Variants in TRPM7 observed in about 807,000 individuals in gnomAD.
TRPM7 encodes the protein LTRPC ion channel family member 7.
A neutral mutation model predicts 229.7 loss-of-function variants in TRPM7; 134 were observed. The ratio of observed to expected loss-of-function variants is 0.58; its 90% CI spans 0.51 to 0.67. TRPM7 has a LOEUF of 0.67. Among genes scored for constraint, TRPM7 ranks in the 30% least tolerant of loss-of-function variants. TRPM7 has a pLI of 0.00. For missense variants in TRPM7, 1,901 were observed against 2,210.0 expected (o/e 0.86, Z 2.80); for synonymous variants, 699 against 715.2 (o/e 0.98, Z 0.36).
chr15:50,686,435 G>A, intron 1 of TRPM7, 96 bp downstream of exon 1: 3 of 1,597,954 alleles, frequency 1.9e-6, no homozygotes, highest in East Asian at 2.2e-5. Flanking sequence ...TTCGCCGCAT[G>A]GAACGCGGCT....
At chr15:50,679,539 T>TATATATATATATATA (rs1491586861) in intron 1 of TRPM7, among the ~76,000 whole-genome samples, 3 of 22,304 alleles carry the variant, frequency 1.3e-4, no homozygotes, top group Admixed American at 4.8e-4. Flanking sequence ...TATATATATA[T>TATATATATATATATA]TTTTTTTTTT....
Position 50,624,146 on chromosome 15 carries a change from G to A in TRPM7, c.1440+20C>T. 2 of 1,585,722 alleles carry A rather than the reference G, an allele frequency of 1.3e-6. No individual in the cohort carries two copies. The highest frequency in any genetic ancestry group is 1.7e-6 in the Non-Finnish European group (2 of 1,169,768). ...CAAAAGATAAAATGTAGTCAATAAA[G>A]AATTTTAATGTAGACTTACAGTGTT... On this transcript the variant is annotated intron_variant, in intron 12 of 38. Transcript: ENST00000646667.
At position 50,567,885 on chromosome 15, in the gene TRPM7, G is replaced by A. The variant is rs149586565; in HGVS notation, c.5467+2002C>T. ...AGGCGGATCACAAGGTCAGGAGATC[G>A]AGACCATGGTGAAACCCCACCTCTA... On this transcript the variant is annotated intron_variant, in intron 38 of 38. Coordinates refer to ENST00000646667, the MANE Select transcript of TRPM7 (RefSeq NM_017672.6). Among the ~76,000 whole-genome samples the A allele has an allele frequency of 9.1e-3, 1,382 of 151,908 alleles. 23 individuals are homozygous for A. Among genetic ancestry groups the A allele is most frequent in the African/African-American group, 0.031 (1,277 of 41,446 alleles).
intron 20 of TRPM7, 46 bp downstream of exon 20, chr15:50,607,154 T>C: frequency 6.4e-7 from 1 of 1,559,966 alleles, no homozygotes; most frequent in Non-Finnish European, 8.7e-7. Flanking sequence ...CAGAAAATCT[T>C]CCATGTATAC....
intron 13 of TRPM7, among the ~76,000 whole-genome samples, chr15:50,615,688 G>A (rs1175285569): frequency 1.3e-5 from 2 of 151,850 alleles, no homozygotes; most frequent in Non-Finnish European, 2.9e-5. Context: ...CTGAGGTCAG[G>A]AGTTTGAGAC....
At position 50,610,564 on chromosome 15, in the gene TRPM7, T is replaced by C. The variant is rs1268890400; in HGVS notation, c.2280+529A>G. On this transcript the variant is annotated intron_variant, in intron 17 of 38. Transcript: ENST00000646667. ...GCACCTTATTTTAAAAGATATAAGATAACAAAAAGCAAAGTTCAAAGCAGT... is the reference window on the plus strand; with the variant it reads ...GCACCTTATTTTAAAAGATATAAGACAACAAAAAGCAAAGTTCAAAGCAGT... 8.5e-5 allele frequency among the ~76,000 whole-genome samples: 13 copies of C among 152,100 alleles called. No homozygotes were observed. In the South Asian group the frequency reaches 1.0e-3, roughly 12 times the overall value.
chr15:50,686,675 C>T lies in TRPM7; in HGVS notation c.-142G>A, dbSNP rs1351229434. Reference sequence around the variant, plus strand: ...AACGCCCAGGGAAACCTTCTCAGAACTAACTCAGCTCCGGCGCTAGCAGCA... The same window carrying T: ...AACGCCCAGGGAAACCTTCTCAGAATTAACTCAGCTCCGGCGCTAGCAGCA... On this transcript the variant is annotated 5_prime_UTR_variant, in exon 1 of 39. Transcript: ENST00000646667. 2.2e-5 allele frequency: 24 copies of T among 1,109,028 alleles called. No individual in the cohort carries two copies. Among genetic ancestry groups the T allele is most frequent in the Admixed American group, 1.4e-4 (5 of 34,848 alleles). 68.7% of individuals were successfully genotyped at this position (1,109,028 alleles called of 1,614,324 possible).
chr15:50,639,985 C>T (rs968907303), intron 5 of TRPM7, among the ~76,000 whole-genome samples: 1 of 152,226 alleles, frequency 6.6e-6, no homozygotes, highest in African/African-American at 2.4e-5. Flanking sequence ...GGAACAAAAA[C>T]CACTAAACCC....
At chr15:50,658,929 T>C (rs1415025048) in intron 2 of TRPM7, among the ~76,000 whole-genome samples, 1 of 152,208 alleles carries the variant, frequency 6.6e-6, no homozygotes, top group Non-Finnish European at 1.5e-5. Context: ...CCAGGCGCAG[T>C]GGCTCACGCC....
At chr15:50,635,789 C>T (rs1052945097) in intron 7 of TRPM7, among the ~76,000 whole-genome samples, 1 of 151,238 alleles carries the variant, frequency 6.6e-6, no homozygotes, top group African/African-American at 2.4e-5. Context: ...GCAGCCTGGC[C>T]AACATAGTGA....
At chr15:50,683,765 G>A (rs939775885) in intron 1 of TRPM7, among the ~76,000 whole-genome samples, 1 of 151,954 alleles carries the variant, frequency 6.6e-6, no homozygotes, top group Non-Finnish European at 1.5e-5. Flanking sequence ...ACAAGTGCAA[G>A]ACTCCTTCTC....
chr15:50,581,344 C>T (rs1280240251), intron 29 of TRPM7, among the ~76,000 whole-genome samples: 2 of 151,770 alleles, frequency 1.3e-5, no homozygotes, highest in Non-Finnish European at 2.9e-5. Flanking sequence ...ACTAAAAATA[C>T]AAAAATTAGC....
At chr15:50,591,090 CATAGGT>C (rs2059478956) in intron 26 of TRPM7, among the ~76,000 whole-genome samples, 2 of 152,118 alleles carry the variant, frequency 1.3e-5, no homozygotes, top group African/African-American at 4.8e-5. Flanking sequence ...TTTAAGCTAT[CATAGGT>C]ATAAGAATAA....
chr15:50,605,236 C>G, intron 20 of TRPM7, 92 bp from the exon 21 acceptor site: 1 of 1,077,466 alleles, frequency 9.3e-7, no homozygotes, highest in Middle Eastern at 3.2e-4. Flanking sequence ...AGTAGAATTT[C>G]ACATAGCTTT....
chr15:50,624,077 T>C, intron 12 of TRPM7, 89 bp downstream of exon 12: 1 of 1,327,212 alleles, frequency 7.5e-7, no homozygotes. Flanking sequence ...ACATTAAGGG[T>C]TTTATCAATA....
intron 31 of TRPM7, among the ~76,000 whole-genome samples, chr15:50,577,329 C>T (rs2054183483): frequency 6.6e-6 from 1 of 152,056 alleles, no homozygotes; most frequent in African/African-American, 2.4e-5. Flanking sequence ...GTGGGCAGAT[C>T]ATGAGGTCAG....
At chr15:50,632,084 C>T (rs913877364) in intron 9 of TRPM7, among the ~76,000 whole-genome samples, 5 of 152,036 alleles carry the variant, frequency 3.3e-5, no homozygotes, top group African/African-American at 7.2e-5. Context: ...GGGCGGATCA[C>T]GTGAGGTTAG....
In TRPM7 at chr15:50,639,441, C is replaced by A; in HGVS notation, c.643G>T (p.Asp215Tyr). 1 of 1,599,724 alleles carries A rather than the reference C, an allele frequency of 6.3e-7. No homozygotes were observed. Among genetic ancestry groups the A allele is most frequent in the Non-Finnish European group, 8.5e-7 (1 of 1,171,794 alleles). ...ATTCTTACATCTCTCCCAACAAGAT[C>A]ATTTCTGTTTTCAATCACTCCCCAT... ...APWGVIENRN[D>Y]LVGRDVVAPY... The change falls in exon 6 of 39, where the codon GAT becomes TAT. Residue 215 changes from aspartate (D) to tyrosine (Y), a missense_variant. Transcript: ENST00000646667.
At chr15:50,661,265 G>A (rs963459770) in intron 2 of TRPM7, among the ~76,000 whole-genome samples, 11 of 152,168 alleles carry the variant, frequency 7.2e-5, no homozygotes, top group East Asian at 1.9e-4. Flanking sequence ...GTCAGCCACC[G>A]CACCAGGCCT....
Sources: gnomAD v4.1 joint callset for allele counts (sites outside exome capture counted in the v4.1 genomes callset) on GRCh38, gnomAD v4.1.1 for gene constraint, MANE v1.5 for transcripts, NCBI Gene and HGNC (gene_info 2026-07-23, HGNC 2026-07-21) for gene names.